Variants in CADM2 observed in about 807,000 individuals in gnomAD.
The protein encoded by CADM2 is immunoglobulin superfamily member 4D.
Under a neutral mutation model 49.8 loss-of-function variants are expected in CADM2, and 12 were observed. The ratio of observed to expected loss-of-function variants is 0.24; its 90% CI spans 0.15 to 0.39. The LOEUF (loss-of-function observed/expected upper bound fraction) is 0.39. Ranked by LOEUF, CADM2 falls within the 10% of genes least tolerant of loss-of-function variation. CADM2 has a pLI of 1.00. For synonymous variants in CADM2, 214 were observed against 175.4 expected (o/e 1.22, Z -1.74); for missense variants, 378 against 492.3 (o/e 0.77, Z 2.20).
intron 2 of CADM2, among the ~76,000 whole-genome samples, chr3:85,783,031 C>G (rs1179616642): frequency 3.9e-5 from 6 of 151,916 alleles, no homozygotes; most frequent in Non-Finnish European, 8.8e-5. Context: ...AAACAGGGCC[C>G]AATATTAGTA....
intron 2 of CADM2, among the ~76,000 whole-genome samples, chr3:85,732,369 C>T (rs2067971208): frequency 6.6e-6 from 1 of 152,110 alleles, no homozygotes; most frequent in South Asian, 2.1e-4. Flanking sequence ...TATGCTTATT[C>T]TACACAAGAC....
In CADM2 at chr3:85,768,184, C is replaced by T. The variant is rs1007694064; in HGVS notation, c.89-33863C>T. 9.2e-5 allele frequency among the ~76,000 whole-genome samples: 14 copies of T among 152,010 alleles called. No individual in the cohort carries two copies. The South Asian group carries it at 1.2e-3, about 13-fold the overall frequency. Reference sequence around the variant, plus strand: ...TTTACTGGCCGGGCGCAGTGGCTCACGCCTGTAATCCCAGCACTTTGAGAG... The same window carrying T: ...TTTACTGGCCGGGCGCAGTGGCTCATGCCTGTAATCCCAGCACTTTGAGAG... On this transcript the variant is annotated intron_variant, in intron 2 of 9. Transcript: ENST00000383699.
chr3:85,244,248 A>T (rs1287289212), intron 1 of CADM2, among the ~76,000 whole-genome samples: 1 of 152,150 alleles, frequency 6.6e-6, no homozygotes, highest in Non-Finnish European at 1.5e-5. Flanking sequence ...AAAAAAACTC[A>T]ATAACACGCA....
At chr3:85,373,148 A>C (rs766230738) in intron 1 of CADM2, among the ~76,000 whole-genome samples, 24 of 152,164 alleles carry the variant, frequency 1.6e-4, no homozygotes, top group Non-Finnish European at 1.9e-4. Context: ...CCTCTGTTAC[A>C]AGGCAACTAA....
chr3:85,926,773 G>A (rs894428550), intron 6 of CADM2, among the ~76,000 whole-genome samples: 1 of 152,102 alleles, frequency 6.6e-6, no homozygotes, highest in Admixed American at 6.5e-5. Flanking sequence ...TGAGGAAAAC[G>A]ATGTGAGAGA....
At chr3:85,771,385 G>C (rs1047911028) in intron 2 of CADM2, among the ~76,000 whole-genome samples, 1 of 152,052 alleles carries the variant, frequency 6.6e-6, no homozygotes, top group South Asian at 2.1e-4. Context: ...AAACTGAAAA[G>C]TTTCTCAAGA....
intron 1 of CADM2, among the ~76,000 whole-genome samples, chr3:85,294,711 T>C (rs1334973013): frequency 1.3e-5 from 2 of 150,944 alleles, no homozygotes; most frequent in African/African-American, 4.8e-5. Context: ...ATTTAATAAA[T>C]GGTGCTGGGA....
chr3:85,855,642 T>TATATA (rs1387866626), intron 3 of CADM2, among the ~76,000 whole-genome samples: 2 of 121,136 alleles, frequency 1.7e-5, no homozygotes, highest in African/African-American at 5.8e-5. Flanking sequence ...ATATATATAT[T>TATATA]TTGAGACGGA....
chr3:85,632,950 CTT>C (rs1352456759), intron 1 of CADM2, among the ~76,000 whole-genome samples: 3 of 151,654 alleles, frequency 2.0e-5, no homozygotes, highest in Admixed American at 6.6e-5. Flanking sequence ...AATAAAATAA[CTT>C]GAGTATTATT....
chr3:85,289,452 C>T (rs934631449), intron 1 of CADM2, among the ~76,000 whole-genome samples: 1 of 152,116 alleles, frequency 6.6e-6, no homozygotes, highest in African/African-American at 2.4e-5. Flanking sequence ...TCTATGCTTG[C>T]AATAGACTGT....
intron 1 of CADM2, among the ~76,000 whole-genome samples, chr3:85,159,462 T>C (rs2040247394): frequency 6.6e-6 from 1 of 152,162 alleles, no homozygotes; most frequent in South Asian, 2.1e-4. Flanking sequence ...ATGTGGAAAC[T>C]GTATAATTTG....
At chr3:85,623,531 G>A (rs899240829) in intron 1 of CADM2, among the ~76,000 whole-genome samples, 7 of 152,136 alleles carry the variant, frequency 4.6e-5, no homozygotes, top group Non-Finnish European at 7.4e-5. Flanking sequence ...CAACGTAAGT[G>A]TGAGATCCCA....
intron 2 of CADM2, among the ~76,000 whole-genome samples, chr3:85,764,044 A>C (rs1210553720): frequency 6.6e-6 from 1 of 152,152 alleles, no homozygotes; most frequent in Non-Finnish European, 1.5e-5. Flanking sequence ...TGGGAAAAAG[A>C]AATAAGAACA....
At chr3:85,904,945 T>A (rs923167904) in intron 5 of CADM2, among the ~76,000 whole-genome samples, 1 of 152,216 alleles carries the variant, frequency 6.6e-6, no homozygotes, top group African/African-American at 2.4e-5. Context: ...ATAATTTTCT[T>A]TTTCCTTGTA....
At chr3:85,525,460 G>T (rs2061140181) in intron 1 of CADM2, among the ~76,000 whole-genome samples, 1 of 152,084 alleles carries the variant, frequency 6.6e-6, no homozygotes, top group South Asian at 2.1e-4. Context: ...GGTTATTCTT[G>T]GTCGTGACTA....
chr3:86,005,110 T>C (rs17023810), intron 8 of CADM2, among the ~76,000 whole-genome samples: 5,456 of 152,254 alleles, frequency 0.036, 331 homozygotes, highest in African/African-American at 0.12. Flanking sequence ...TACTTGTAGA[T>C]ATAAGACTCT....
At chr3:85,771,996 T>TTTTC (rs905931656) in intron 2 of CADM2, among the ~76,000 whole-genome samples, 2 of 148,874 alleles carry the variant, frequency 1.3e-5, no homozygotes, top group Admixed American at 6.8e-5. Flanking sequence ...GTATTGTATT[T>TTTTC]TTTCTTTCTT....
At chr3:85,120,666 A>G (rs546035923) in intron 1 of CADM2, among the ~76,000 whole-genome samples, 204 of 152,090 alleles carry the variant, frequency 1.3e-3, no homozygotes, top group Admixed American at 2.4e-3. Context: ...ATCACACACC[A>G]GGGCCTCCTG....
chr3:86,061,662 A>G (rs926950393), intron 8 of CADM2, among the ~76,000 whole-genome samples: 1 of 151,946 alleles, frequency 6.6e-6, no homozygotes, highest in African/African-American at 2.4e-5. Context: ...ATTTGATTAC[A>G]TAAAGTTGTA....
Sources: gnomAD v4.1 joint callset for allele counts (sites outside exome capture counted in the v4.1 genomes callset) on GRCh38, gnomAD v4.1.1 for gene constraint, MANE v1.5 for transcripts, NCBI Gene and HGNC (gene_info 2026-07-23, HGNC 2026-07-21) for gene names.